IGSF22: variants seen among roughly 807,000 people sequenced by gnomAD.
The protein encoded by IGSF22 is immunoglobulin superfamily, member 22.
In IGSF22, 119 loss-of-function variants were observed where a neutral mutation model predicts 127.0. The ratio of observed to expected loss-of-function variants is 0.94; its 90% CI spans 0.81 to 1.09. IGSF22 has a LOEUF of 1.09. Among genes scored for constraint, IGSF22 ranks in the 50% least tolerant of loss-of-function variants. IGSF22 has a pLI of 0.00. For missense variants in IGSF22, 1,518 were observed against 1,716.6 expected (o/e 0.88, Z 2.04); for synonymous variants, 568 against 664.7 (o/e 0.85, Z 2.24).
In IGSF22 at chr11:18,716,947, G is replaced by A; in HGVS notation, c.1027C>T (p.Gln343Ter). Reference sequence around the variant, plus strand: ...AGGCGGATCTCAAACACAGCTGTCTGGCGCTCTGTCACCTTCACAGGCTTC... The same window carrying A: ...AGGCGGATCTCAAACACAGCTGTCTAGCGCTCTGTCACCTTCACAGGCTTC... Reference protein sequence around the residue: ...EMKPVKVTERQTAVFEIRLSK... With the variant: ...EMKPVKVTER The change falls in exon 10 of 23, where the codon CAG becomes TAG. Residue 343 changes from glutamine (Q) to a stop codon, truncating the protein, a stop_gained. Transcript: ENST00000513874. LOFTEE classifies it high-confidence loss of function. This position sits in a 1 kb window ranked among gnomAD's most constrained non-coding sequence, Gnocchi z 4.5. The A allele has an allele frequency of 6.2e-7, 1 of 1,614,146 alleles. No homozygotes were observed. Among genetic ancestry groups the A allele is most frequent in the Non-Finnish European group, 8.5e-7 (1 of 1,180,022 alleles).
chr11:18,726,096 C>G lies in IGSF22; in HGVS notation c.-56G>C, dbSNP rs549473964. ...TACCTTCAGCACTGACCAGTCCCTC[C>G]CAACACTCGAATGCTGTGTCCACGG... On this transcript the variant is annotated 5_prime_UTR_variant, in exon 1 of 23. Coordinates refer to ENST00000513874, the MANE Select transcript of IGSF22 (RefSeq NM_173588.4). 6.6e-6 allele frequency: 1 copy of G among 152,524 alleles called. No homozygotes were observed. The highest frequency in any genetic ancestry group is 6.5e-5 in the Admixed American group (1 of 15,310). 9.4% of individuals were successfully genotyped at this position (152,524 alleles called of 1,614,324 possible). A position where few individuals can be genotyped will look rare whatever the true frequency, so the allele number is the denominator to read the frequency against.
chr11:18,716,916 T>A lies in IGSF22; in HGVS notation c.1058A>T (p.Lys353Met). Residue 353 changes from lysine to methionine, a missense_variant, in exon 10 of 23, where the codon AAG becomes ATG. Around this residue, in one of 3 missense-constraint regions of IGSF22, gnomAD observed 1,456 missense variants for 1,644.9 expected, o/e 0.89. Coordinates refer to ENST00000513874, the MANE Select transcript of IGSF22 (RefSeq NM_173588.4). The surrounding 1 kb of genome is among the most constrained non-coding windows in gnomAD (Gnocchi z 4.5). ...CTTCCACACAAAGTTGGGCTCTTTCTTGGAGAGGCGGATCTCAAACACAGC... is the reference window on the plus strand; with the variant it reads ...CTTCCACACAAAGTTGGGCTCTTTCATGGAGAGGCGGATCTCAAACACAGC... The part of the protein sequence containing the change: ...QTAVFEIRLS[K>M]KEPNFVWKFN... 6.2e-7 allele frequency: 1 copy of A among 1,614,244 alleles called. No homozygotes were observed. Among genetic ancestry groups the A allele is most frequent in the Non-Finnish European group, 8.5e-7 (1 of 1,180,046 alleles).
At position 18,706,983 on chromosome 11, in the gene IGSF22, C is replaced by G; in HGVS notation, c.3511G>C (p.Ala1171Pro). The G allele has an allele frequency of 1.9e-6, 3 of 1,547,312 alleles. No homozygotes were observed. The highest frequency in any genetic ancestry group is 2.6e-6 in the Non-Finnish European group (3 of 1,144,356). The change falls in exon 21 of 23, where the codon GCT becomes CCT. Residue 1171 changes from alanine (A) to proline (P), a missense_variant. Physicochemically the swap from Ala to Pro is conservative, Grantham distance 27. Around this residue, in one of 3 missense-constraint regions of IGSF22, gnomAD observed 1,456 missense variants for 1,644.9 expected, o/e 0.89. Transcript: ENST00000513874. ...TCACTGTCACCGATTTCATTCCGAG[C>G]CACCACTCTGAAGTAGTACTTCCTG... ...PGRKYYFRVV[A>P]RNEIGDSEPL... is the part of the protein sequence containing the mutation.
chr11:18,723,330 TG>T (rs1199398052), intron 2 of IGSF22, among the ~76,000 whole-genome samples: 1 of 152,248 alleles, frequency 6.6e-6, no homozygotes, highest in African/African-American at 2.4e-5. Context: ...GTAAATCACT[TG>T]AGTTTGGAAC....
intron 21 of IGSF22, chr11:18,706,643 G>T: frequency 2.4e-6 from 1 of 420,754 alleles, no homozygotes; most frequent in Admixed American, 4.1e-5. Flanking sequence ...TCCCCTCAGA[G>T]CAGAACGCGT....
rs1291448811 is a variant in IGSF22 at position 18,714,300 on chromosome 11, C to T, written c.1775G>A (p.Ser592Asn). Residue 592 changes from serine (S) to asparagine (N), a missense_variant, in exon 13 of 23, where the codon AGT (serine) becomes AAT (asparagine). By Grantham distance (46) the Ser-to-Asn change is conservative. Transcript: ENST00000513874. Reference sequence around the variant, plus strand: ...ACCTGCGATGAATACAGAGGCTTCACTTTCCGTGCCCTTGGCCCGGAATGT... The same window carrying T: ...ACCTGCGATGAATACAGAGGCTTCATTTTCCGTGCCCTTGGCCCGGAATGT... Reference protein sequence around the residue: ...KYTFRAKGTESEASVFIADPP... With the variant: ...KYTFRAKGTENEASVFIADPP... The T allele has an allele frequency of 2.5e-6, 4 of 1,613,908 alleles. No individual in the cohort carries two copies. Among genetic ancestry groups the T allele is most frequent in the Non-Finnish European group, 1.7e-6 (2 of 1,179,956 alleles).
chr11:18,707,742 G>A, intron 20 of IGSF22, 62 bp downstream of exon 20: 2 of 1,406,160 alleles, frequency 1.4e-6, no homozygotes, highest in Non-Finnish European at 2.0e-6. Flanking sequence ...GCGGCACTGG[G>A]GAGCTGTGCT....
chr11:18,726,155 GT>G lies in IGSF22; in HGVS notation c.-116del, dbSNP rs1435602875. ...GCTCAGCTAGTGCCTGGACTGTAGGGTGGCCCGTCTCCTTCTTCCTTTGCCC... is the reference window on the plus strand; with the variant it reads ...GCTCAGCTAGTGCCTGGACTGTAGGGGGCCCGTCTCCTTCTTCCTTTGCCC... On this transcript the variant is annotated 5_prime_UTR_variant, in exon 1 of 23. Coordinates refer to ENST00000513874, the MANE Select transcript of IGSF22 (RefSeq NM_173588.4). 6.6e-6 allele frequency: 1 copy of G among 152,510 alleles called. No individual in the cohort carries two copies. Among genetic ancestry groups the G allele is most frequent in the Non-Finnish European group, 1.5e-5 (1 of 68,292 alleles). The allele number at this position is 152,510 out of a possible 1,614,324, so 9.4% of individuals were successfully genotyped here.
Position 18,721,919 on chromosome 11 carries a change from C to T in IGSF22, c.232G>A (p.Ala78Thr), listed in dbSNP as rs374472931. The change falls in exon 3 of 23, where the codon GCG becomes ACG. Residue 78 changes from alanine to threonine, a missense_variant. By Grantham distance (58) the Ala-to-Thr change is moderately conservative. Transcript: ENST00000513874. ...EFVEKPQPVTAPEGDKAVFRA... is the reference protein window; with the variant it reads ...EFVEKPQPVTTPEGDKAVFRA... ...ACAGGCAGCAACACACCCTCGGGCG[C>T]GGTGACCGGTTGAGGCTTCTCCACG... The T allele has an allele frequency of 4.0e-5, 65 of 1,613,140 alleles. No individual in the cohort carries two copies. The highest frequency in any genetic ancestry group is 4.0e-4 in the South Asian group (36 of 91,088).
chr11:18,724,602 G>T (rs1384028431), intron 1 of IGSF22, among the ~76,000 whole-genome samples: 1 of 152,152 alleles, frequency 6.6e-6, no homozygotes, highest in African/African-American at 2.4e-5. Flanking sequence ...GGCAGTGCTG[G>T]ATGTTTCATC....
chr11:18,708,854 T>C (rs1228931283), intron 18 of IGSF22, among the ~76,000 whole-genome samples: 2 of 152,184 alleles, frequency 1.3e-5, no homozygotes, highest in Non-Finnish European at 2.9e-5. Context: ...GATTTGCAAC[T>C]CCCCAGCTGC....
Position 18,708,259 on chromosome 11 carries a change from C to T in IGSF22, c.3035G>A (p.Ser1012Asn). 6.5e-6 allele frequency: 10 copies of T among 1,549,132 alleles called. No homozygotes were observed. Among genetic ancestry groups the T allele is most frequent in the Non-Finnish European group, 7.9e-6 (9 of 1,145,904 alleles). ...PKFDLSARLK[S>N]HMVVRAGTAL... ...TGTCCCAGCGCGAACCACCATGTGA[C>T]TCTTCAGCCGGGCACTGAGGTCAAA... Residue 1012 changes from serine to asparagine, a missense_variant, in exon 19 of 23, where the codon AGT becomes AAT. Ser to Asn is a conservative substitution (Grantham distance 46, BLOSUM62 1). Transcript: ENST00000513874.
chr11:18,725,646 T>C (rs1294047737), intron 1 of IGSF22, among the ~76,000 whole-genome samples: 1 of 152,022 alleles, frequency 6.6e-6, no homozygotes, highest in Non-Finnish European at 1.5e-5. Flanking sequence ...TTCACTATGT[T>C]GGCCAGGCTA....
At chr11:18,706,380 C>T in intron 21 of IGSF22, among the ~76,000 whole-genome samples, 1 of 150,828 alleles carries the variant, frequency 6.6e-6, no homozygotes. Context: ...ACCCAAACCA[C>T]GCTTTCCCAC....
At position 18,714,317 on chromosome 11, in the gene IGSF22, C is replaced by A. The variant is rs1564871851; in HGVS notation, c.1758G>T (p.Arg586=). 3 of 1,614,210 alleles carry A rather than the reference C, an allele frequency of 1.9e-6. No homozygotes were observed. The highest frequency in any genetic ancestry group is 2.5e-6 in the Non-Finnish European group (3 of 1,180,032). The change falls in exon 13 of 23, where the codon CGG becomes CGT. Residue 586 remains arginine (R), a synonymous_variant. Coordinates refer to ENST00000513874, the MANE Select transcript of IGSF22 (RefSeq NM_173588.4). ...AGGCTTCACTTTCCGTGCCCTTGGC[C>A]CGGAATGTGTACTTGCCCTCGTGCT... ...GPEHEGKYTF[R]AKGTESEASV... is the part of the protein sequence containing the mutation.
intron 1 of IGSF22, among the ~76,000 whole-genome samples, chr11:18,724,841 A>C (rs752247535): frequency 6.6e-6 from 1 of 152,178 alleles, no homozygotes; most frequent in Non-Finnish European, 1.5e-5. Flanking sequence ...ATTCAATCAC[A>C]TAGTTAAAGA....
intron 17 of IGSF22, 152 bp downstream of exon 17, chr11:18,710,175 G>A: frequency 9.9e-7 from 1 of 1,006,352 alleles, no homozygotes; most frequent in Non-Finnish European, 1.5e-6. Flanking sequence ...GCTTTCTCTT[G>A]TGTGTGAATC....
At chr11:18,721,859 C>T in intron 3 of IGSF22, 51 bp downstream of exon 3, 2 of 1,606,508 alleles carry the variant, frequency 1.2e-6, no homozygotes, top group Non-Finnish European at 1.7e-6. Flanking sequence ...TGGGGGCACT[C>T]GATTAGAAAG....
Position 18,706,992 on chromosome 11 carries a change from TGAA to T in IGSF22, c.3499_3501del (p.Phe1167del). On this transcript the variant is annotated inframe_deletion, in exon 21 of 23. Coordinates refer to ENST00000513874, the MANE Select transcript of IGSF22 (RefSeq NM_173588.4). ...CCGATTTCATTCCGAGCCACCACTCTGAAGTAGTACTTCCTGCCTGGGAGCAGC... is the reference window on the plus strand; with the variant it reads ...CCGATTTCATTCCGAGCCACCACTCTGTAGTACTTCCTGCCTGGGAGCAGC... 2 of 1,550,506 alleles carry T rather than the reference TGAA, an allele frequency of 1.3e-6. No individual in the cohort carries two copies. Among genetic ancestry groups the T allele is most frequent in the Non-Finnish European group, 1.7e-6 (2 of 1,146,322 alleles).
Sources: allele counts gnomAD v4.1 joint callset (sites outside exome capture counted in the v4.1 genomes callset), GRCh38; gene constraint gnomAD v4.1.1; regional missense constraint gnomAD v4.1.1; non-coding constraint Gnocchi (gnomAD v3.1); transcripts MANE v1.5; gene names NCBI Gene and HGNC (gene_info 2026-07-23, HGNC 2026-07-21).